Variants in SLK observed in about 807,000 individuals in gnomAD.
The protein encoded by SLK is STE20 like kinase.
A neutral mutation model predicts 147.7 loss-of-function variants in SLK; 67 were observed. The observed-to-expected ratio is 0.45, with a 90% confidence interval of 0.37 to 0.56. SLK has a LOEUF of 0.56. Among genes scored for constraint, SLK ranks in the 20% least tolerant of loss-of-function variants. The pLI, the probability that SLK is intolerant of heterozygous loss-of-function variation, is 0.00. For missense variants in SLK, 1,136 were observed against 1,438.8 expected (o/e 0.79, Z 3.41); for synonymous variants, 441 against 475.0 (o/e 0.93, Z 0.93).
chr10:103,980,990 T>C (rs34464241), intron 1 of SLK, among the ~76,000 whole-genome samples: 3 of 152,172 alleles, frequency 2.0e-5, no homozygotes, highest in Non-Finnish European at 4.4e-5. Flanking sequence ...CCTATACTTG[T>C]TCTTTTCATT....
chr10:104,019,839 A>G lies in SLK; in HGVS notation c.3238A>G (p.Lys1080Glu). The change falls in exon 16 of 19, where the codon AAG (lysine) becomes GAG (glutamate). Residue 1080 changes from lysine to glutamate, a missense_variant. Physicochemically the swap from Lys to Glu is moderately conservative, Grantham distance 56 (BLOSUM62 1). Transcript: ENST00000369755. Reference protein sequence around the residue: ...RLPKIQRSEAKTRMAMFKKSL... With the variant: ...RLPKIQRSEAETRMAMFKKSL... ...GCCCAAGATTCAGCGCAGTGAAGCCAAGACTCGAATGGCCATGTTTAAGAA... is the reference window on the plus strand; with the variant it reads ...GCCCAAGATTCAGCGCAGTGAAGCCGAGACTCGAATGGCCATGTTTAAGAA... The G allele has an allele frequency of 6.2e-7, 1 of 1,614,154 alleles. No homozygotes were observed. Among genetic ancestry groups the G allele is most frequent in the Non-Finnish European group, 8.5e-7 (1 of 1,179,952 alleles).
chr10:104,001,737 C>CT (rs1200086361), intron 8 of SLK, among the ~76,000 whole-genome samples, 165 bp downstream of exon 8: 5 of 151,820 alleles, frequency 3.3e-5, no homozygotes, highest in East Asian at 1.9e-4. Flanking sequence ...TTATATTTCC[C>CT]TTTTTTTTGA....
intron 1 of SLK, among the ~76,000 whole-genome samples, chr10:103,986,223 A>G (rs1287271669): frequency 1.3e-5 from 2 of 152,198 alleles, no homozygotes; most frequent in Non-Finnish European, 2.9e-5. Flanking sequence ...TATTATTACT[A>G]CATTGTAATA....
chr10:103,971,105 C>T (rs1248194754), intron 1 of SLK, among the ~76,000 whole-genome samples: 1 of 152,118 alleles, frequency 6.6e-6, no homozygotes, highest in East Asian at 1.9e-4. Flanking sequence ...TCCACTCAGT[C>T]CAGCACTGTA....
intron 16 of SLK, among the ~76,000 whole-genome samples, chr10:104,020,187 A>G (rs767794206): frequency 3.9e-5 from 6 of 152,212 alleles, no homozygotes; most frequent in Admixed American, 1.3e-4. Context: ...AGCCCTGGGA[A>G]TGAGATGACT....
chr10:103,968,569 C>G (rs1053183005), intron 1 of SLK, among the ~76,000 whole-genome samples: 3 of 152,146 alleles, frequency 2.0e-5, no homozygotes, highest in Admixed American at 6.5e-5. Context: ...AGAGGCTTGG[C>G]GTTTCAACCT....
At chr10:103,970,647 T>C (rs1363841218) in intron 1 of SLK, among the ~76,000 whole-genome samples, 1 of 152,206 alleles carries the variant, frequency 6.6e-6, no homozygotes, top group African/African-American at 2.4e-5. Context: ...TCCATAGAAA[T>C]TGAGGATTTA....
In SLK at chr10:104,005,612, G is replaced by A; in HGVS notation, c.2401G>A (p.Asp801Asn). 1 of 1,606,352 alleles carries A rather than the reference G, an allele frequency of 6.2e-7. No homozygotes were observed. Among genetic ancestry groups the A allele is most frequent in the Non-Finnish European group, 8.5e-7 (1 of 1,177,024 alleles). The change falls in exon 10 of 19, where the codon GAT becomes AAT. Residue 801 changes from aspartate to asparagine, a missense_variant. Coordinates refer to ENST00000369755, the MANE Select transcript of SLK (RefSeq NM_014720.4). The part of the protein sequence containing the change: ...TLKKTRKFIV[D>N]GVEVSVTTSK... ...GAAGAAAACACGCAAATTTATTGTT[G>A]ATGGTGTAGAAGTGAGTGTAACAAC...
At chr10:104,015,373 C>T (rs563887019) in intron 13 of SLK, among the ~76,000 whole-genome samples, 57 of 152,304 alleles carry the variant, frequency 3.7e-4, no homozygotes, top group Admixed American at 6.5e-4. Flanking sequence ...CCTCTTTACC[C>T]TTTAGGAGTT....
At chr10:104,019,004 A>G in intron 15 of SLK, 96 bp downstream of exon 15, 1 of 1,226,198 alleles carries the variant, frequency 8.2e-7, no homozygotes, top group Non-Finnish European at 1.1e-6. Context: ...AATGAATTTT[A>G]GATTTCCTTT....
Position 104,002,374 on chromosome 10 carries a change from A to C in SLK, c.1196A>C (p.Glu399Ala). 6.2e-7 allele frequency: 1 copy of C among 1,613,614 alleles called. No individual in the cohort carries two copies. Among genetic ancestry groups the C allele is most frequent in the Non-Finnish European group, 8.5e-7 (1 of 1,179,796 alleles). ...EPEKAVEDIN[E>A]HITDAQLEAM... is the part of the protein sequence containing the mutation. ...GAAAAGGCTGTGGAGGATATTAATG[A>C]ACATATTACCGATGCTCAGTTAGAA... is the stretch of plus-strand genomic sequence containing the variant. Residue 399 changes from glutamate (E) to alanine (A), a missense_variant, in exon 9 of 19, where the codon GAA (glutamate) becomes GCA (alanine). Physicochemically the swap from Glu to Ala is moderately radical, Grantham distance 107. Coordinates refer to ENST00000369755, the MANE Select transcript of SLK (RefSeq NM_014720.4).
intron 1 of SLK, among the ~76,000 whole-genome samples, chr10:103,970,282 A>G (rs1843775749): frequency 1.3e-5 from 2 of 152,262 alleles, no homozygotes; most frequent in African/African-American, 4.8e-5. Context: ...GCATGGGCAG[A>G]CTGTGTGGAG....
chr10:103,981,961 A>G (rs1843951313), intron 1 of SLK, among the ~76,000 whole-genome samples: 1 of 152,104 alleles, frequency 6.6e-6, no homozygotes, highest in Non-Finnish European at 1.5e-5. Context: ...ATATATGAAC[A>G]TGGGATGTGT....
At chr10:103,982,818 A>ACGG (rs1843963709) in intron 1 of SLK, among the ~76,000 whole-genome samples, 1 of 152,244 alleles carries the variant, frequency 6.6e-6, no homozygotes, top group Non-Finnish European at 1.5e-5. Flanking sequence ...TCATGAAGAG[A>ACGG]TGACCAGAGG....
intron 9 of SLK, 121 bp from the exon 10 acceptor site, chr10:104,005,440 G>C: frequency 2.5e-6 from 2 of 801,828 alleles, no homozygotes. Context: ...TCTATGTGTA[G>C]TCTGCATGGC....
rs1307541801 is a variant in SLK at position 104,018,148 on chromosome 10, T to C, written c.2878-12T>C. 6 of 1,587,778 alleles carry C rather than the reference T, an allele frequency of 3.8e-6. No homozygotes were observed. Reference sequence around the variant, plus strand: ...AGATACTTATTAACTGACAATTAACTGTTTTTAATAGGAACAAGAGTTTGT... The same window carrying C: ...AGATACTTATTAACTGACAATTAACCGTTTTTAATAGGAACAAGAGTTTGT... On this transcript the variant is annotated splice_polypyrimidine_tract_variant and intron_variant, in intron 13 of 18. Transcript: ENST00000369755.
Position 104,003,318 on chromosome 10 carries a change from A to C in SLK, c.2140A>C (p.Asn714His). The change falls in exon 9 of 19, where the codon AAT becomes CAT. Residue 714 changes from asparagine (N) to histidine (H), a missense_variant. Coordinates refer to ENST00000369755, the MANE Select transcript of SLK (RefSeq NM_014720.4). ...TCAGCCTGTTCTAATACCCAGTATT[A>C]ATATCAACTCTGACAGTGGAGAAAA... ...EPQPVLIPSININSDSGENKE... is the reference protein window; with the variant it reads ...EPQPVLIPSIHINSDSGENKE... 6.2e-7 allele frequency: 1 copy of C among 1,613,956 alleles called. No individual in the cohort carries two copies. Among genetic ancestry groups the C allele is most frequent in the Non-Finnish European group, 8.5e-7 (1 of 1,179,818 alleles).
intron 1 of SLK, among the ~76,000 whole-genome samples, chr10:103,984,346 G>C (rs906715954): frequency 1.3e-5 from 2 of 152,088 alleles, no homozygotes; most frequent in African/African-American, 2.4e-5. Flanking sequence ...ACCTCGGTTA[G>C]ACCTAACTTA....
Position 104,027,647 on chromosome 10 carries a change from C to A in SLK, c.*1927C>A, listed in dbSNP as rs1261471089. ...GGAAGGAACGTCTTCATACCACTTT[C>A]TCCTTTGAAATTTTCAGTTTATTGA... On this transcript the variant is annotated 3_prime_UTR_variant, in exon 19 of 19. Coordinates refer to ENST00000369755, the MANE Select transcript of SLK (RefSeq NM_014720.4). 2 of 152,434 alleles carry A rather than the reference C, an allele frequency of 1.3e-5. No homozygotes were observed. Among genetic ancestry groups the A allele is most frequent in the Non-Finnish European group, 2.9e-5 (2 of 68,006 alleles). 9.4% of individuals were successfully genotyped at this position (152,434 alleles called of 1,614,324 possible).
Sources: gnomAD v4.1 joint callset for allele counts (sites outside exome capture counted in the v4.1 genomes callset) on GRCh38, gnomAD v4.1.1 for gene constraint, MANE v1.5 for transcripts, NCBI Gene and HGNC (gene_info 2026-07-23, HGNC 2026-07-21) for gene names.